The following RBFOX1 variants were observed in gnomAD, a reference collection of about 807,000 sequenced individuals.
RBFOX1 encodes the protein RNA binding fox-1 homolog 1.
A neutral mutation model predicts 57.7 loss-of-function variants in RBFOX1; 8 were observed. The ratio of observed to expected loss-of-function variants is 0.14; its 90% confidence interval spans 0.08 to 0.25. The LOEUF is 0.25. Ranked by LOEUF, RBFOX1 falls within the 10% of genes least tolerant of loss-of-function variation. RBFOX1 has a pLI of 1.00. For synonymous variants in RBFOX1, 326 were observed against 222.4 expected (o/e 1.47, Z -4.15); for missense variants, 611 against 548.5 (o/e 1.11, Z -1.14).
At chr16:7,311,026 C>G (rs1163952151) in intron 4 of RBFOX1, among the ~76,000 whole-genome samples, 2 of 152,230 alleles carry the variant, frequency 1.3e-5, no homozygotes, top group Admixed American at 6.5e-5. Context: ...CCTTCCGCTA[C>G]CTTGACCCAA....
intron 1 of RBFOX1, among the ~76,000 whole-genome samples, chr16:6,126,097 T>C (rs1029684652): frequency 2.0e-5 from 3 of 152,212 alleles, no homozygotes; most frequent in Admixed American, 6.5e-5. Context: ...ATTTCCAATA[T>C]GGTGTTTACT....
intron 1 of RBFOX1, among the ~76,000 whole-genome samples, chr16:5,241,835 T>G (rs1369174440): frequency 6.6e-6 from 1 of 151,992 alleles, no homozygotes; most frequent in African/African-American, 2.4e-5. Flanking sequence ...GCGTGGTGGC[T>G]CAAGCCAATA....
intron 1 of RBFOX1, among the ~76,000 whole-genome samples, chr16:6,107,679 G>A (rs539141114): frequency 3.4e-5 from 5 of 147,988 alleles, no homozygotes; most frequent in African/African-American, 5.0e-5. Context: ...ATGGGTGGAT[G>A]GATAGGTGGG....
chr16:7,688,701 T>C (rs2076663216), intron 14 of RBFOX1, among the ~76,000 whole-genome samples: 1 of 152,082 alleles, frequency 6.6e-6, no homozygotes, highest in Non-Finnish European at 1.5e-5. Flanking sequence ...AGATAGAGTA[T>C]AGATGGTTGA....
At chr16:6,939,925 A>G (rs1022037638) in intron 3 of RBFOX1, among the ~76,000 whole-genome samples, 1 of 152,052 alleles carries the variant, frequency 6.6e-6, no homozygotes, top group South Asian at 2.1e-4. Flanking sequence ...TTTAATCACA[A>G]CTCTGGTTTA....
intron 3 of RBFOX1, among the ~76,000 whole-genome samples, chr16:5,819,175 C>G (rs1210953084): frequency 1.3e-5 from 2 of 152,158 alleles, no homozygotes; most frequent in African/African-American, 2.4e-5. Context: ...AAGTGCAAAT[C>G]AAGGTGTCAG....
At chr16:7,633,195 G>C (rs564311876) in intron 11 of RBFOX1, among the ~76,000 whole-genome samples, 6 of 152,312 alleles carry the variant, frequency 3.9e-5, no homozygotes, top group African/African-American at 9.6e-5. Context: ...CGTTTTAACA[G>C]TCCGGCTCTT....
intron 4 of RBFOX1, among the ~76,000 whole-genome samples, chr16:7,347,594 A>G (rs2097038767): frequency 6.6e-6 from 1 of 152,132 alleles, no homozygotes; most frequent in Non-Finnish European, 1.5e-5. Flanking sequence ...AGCATTATCC[A>G]GAATTATCAG....
intron 3 of RBFOX1, among the ~76,000 whole-genome samples, chr16:6,998,108 A>T (rs539542673): frequency 2.3e-4 from 35 of 152,270 alleles, no homozygotes; most frequent in Non-Finnish European, 4.7e-4. Context: ...TTTAGTGTAC[A>T]ATAGCATATG....
chr16:5,399,150 C>G (rs537885035), intron 1 of RBFOX1, among the ~76,000 whole-genome samples: 2 of 152,330 alleles, frequency 1.3e-5, no homozygotes, highest in African/African-American at 4.8e-5. Context: ...GAATTCCAAG[C>G]CTCAGTTTCC....
chr16:6,260,756 C>A (rs1416547955), intron 1 of RBFOX1, among the ~76,000 whole-genome samples: 1 of 152,074 alleles, frequency 6.6e-6, no homozygotes, highest in East Asian at 1.9e-4. Flanking sequence ...TTGTGCACAC[C>A]TGTAATCTCA....
At chr16:6,450,810 T>TATATAC (rs2094588451) in intron 2 of RBFOX1, among the ~76,000 whole-genome samples, 3 of 18,820 alleles carry the variant, frequency 1.6e-4, no homozygotes, top group African/African-American at 1.1e-3. Context: ...TGTATATATA[T>TATATAC]ATATATACAT....
chr16:5,993,505 C>T (rs1172790216), intron 4 of RBFOX1, among the ~76,000 whole-genome samples: 1 of 152,060 alleles, frequency 6.6e-6, no homozygotes, highest in Non-Finnish European at 1.5e-5. Context: ...GCAGAAAATA[C>T]AGCCAAGTCT....
chr16:6,722,241 C>G (rs942550074), intron 3 of RBFOX1, among the ~76,000 whole-genome samples: 2 of 152,332 alleles, frequency 1.3e-5, no homozygotes, highest in South Asian at 2.1e-4. Flanking sequence ...TTCCAAGAGG[C>G]TAAACCGTTT....
At chr16:6,255,315 G>A (rs1277281707) in intron 1 of RBFOX1, among the ~76,000 whole-genome samples, 1 of 152,136 alleles carries the variant, frequency 6.6e-6, no homozygotes, top group Non-Finnish European at 1.5e-5. Flanking sequence ...CAGTACCCAG[G>A]TTCACTTGGG....
chr16:7,283,075 CT>C (rs1278375704), intron 4 of RBFOX1, among the ~76,000 whole-genome samples: 9 of 152,078 alleles, frequency 5.9e-5, no homozygotes, highest in African/African-American at 1.9e-4. Flanking sequence ...GTGCAGGTAT[CT>C]TTTTTGTATA....
At chr16:7,533,293 G>A (rs2080598169) in intron 5 of RBFOX1, among the ~76,000 whole-genome samples, 1 of 152,130 alleles carries the variant, frequency 6.6e-6, no homozygotes, top group Non-Finnish European at 1.5e-5. Flanking sequence ...ACTCCAGAAA[G>A]AAAATGAAAA....
At chr16:5,973,941 C>G (rs1177713540) in intron 4 of RBFOX1, among the ~76,000 whole-genome samples, 1 of 152,178 alleles carries the variant, frequency 6.6e-6, no homozygotes, top group Non-Finnish European at 1.5e-5. Context: ...GGATGACCGG[C>G]ATTTTCATTT....
At chr16:7,275,038 C>G (rs562446971) in intron 4 of RBFOX1, among the ~76,000 whole-genome samples, 3 of 151,856 alleles carry the variant, frequency 2.0e-5, no homozygotes, top group Admixed American at 6.6e-5. Flanking sequence ...AGCAGGTGGT[C>G]GAAGGGTGGT....
Sources: gnomAD v4.1 joint callset for allele counts (sites outside exome capture counted in the v4.1 genomes callset) on GRCh38, gnomAD v4.1.1 for gene constraint, MANE v1.5 for transcripts, NCBI Gene and HGNC (gene_info 2026-07-23, HGNC 2026-07-21) for gene names.